The following CCDC7 variants were observed in gnomAD, a reference collection of about 807,000 sequenced individuals.
CCDC7 encodes coiled-coil domain containing 7.
Under a neutral mutation model 196.9 loss-of-function variants are expected in CCDC7, and 183 were observed. The ratio of observed to expected loss-of-function variants is 0.93; its 90% CI spans 0.82 to 1.05. The LOEUF is 1.05. Among genes scored for constraint, CCDC7 ranks in the 50% least tolerant of loss-of-function variants. The probability of loss-of-function intolerance (pLI) is 0.00; values close to 1 mark genes in which losing one functional copy is unlikely to be tolerated. For missense variants in CCDC7, 1,540 were observed against 1,482.2 expected, an observed-to-expected ratio of 1.04 and a Z score of -0.64; for synonymous variants, 525 against 484.6, an observed-to-expected ratio of 1.08 and a Z score of -1.10.
At chr10:32,574,505 A>AC (rs763625850) in intron 16 of CCDC7, 219 of 1,545,738 alleles carry the variant, frequency 1.4e-4, no homozygotes, top group Non-Finnish European at 1.9e-4. Flanking sequence ...AAGTAAGGAG[A>AC]CCCCACCTGA....
At chr10:32,475,457 C>T (rs945818731) in intron 8 of CCDC7, among the ~76,000 whole-genome samples, 3 of 152,194 alleles carry the variant, frequency 2.0e-5, no homozygotes, top group East Asian at 1.9e-4. Context: ...GCAGAAATCC[C>T]TGTACCCACT....
intron 23 of CCDC7, among the ~76,000 whole-genome samples, chr10:32,692,538 T>C (rs956875752): frequency 6.6e-6 from 1 of 152,136 alleles, no homozygotes; most frequent in East Asian, 1.9e-4. Flanking sequence ...AGCCTCCCCA[T>C]CACCCTTCCA....
intron 13 of CCDC7, among the ~76,000 whole-genome samples, chr10:32,551,471 C>G (rs1055064741): frequency 7.9e-5 from 12 of 151,978 alleles, no homozygotes; most frequent in Admixed American, 7.2e-4. Context: ...TTCTCTAGTT[C>G]CTTGAGGTGT....
downstream of CCDC7, chr10:32,877,057 A>G (rs2094616364): frequency 6.6e-6 from 1 of 152,080 alleles, no homozygotes; most frequent in Non-Finnish European, 1.5e-5. Flanking sequence ...ATTAATCTAA[A>G]TATTCTGGAG....
intron 9 of CCDC7, chr10:32,512,430 T>A (rs894716123): frequency 6.6e-6 from 1 of 152,182 alleles, no homozygotes; most frequent in African/African-American, 2.4e-5. Flanking sequence ...TATGTCAGAA[T>A]TGGAATCATA....
chr10:32,802,078 T>C (rs2135060117), intron 29 of CCDC7, among the ~76,000 whole-genome samples: 1 of 152,280 alleles, frequency 6.6e-6, no homozygotes, highest in African/African-American at 2.4e-5. Flanking sequence ...TGTGTCTGAT[T>C]TTCCACAATT....
At chr10:32,641,434 T>C (rs2066781358) in intron 20 of CCDC7, among the ~76,000 whole-genome samples, 1 of 152,242 alleles carries the variant, frequency 6.6e-6, no homozygotes, top group South Asian at 2.1e-4. Context: ...TTTCTTCTAG[T>C]TGATCGAATC....
chr10:32,710,591 T>C lies in CCDC7; in HGVS notation c.2459-1029T>C, dbSNP rs192121828. On this transcript the variant is annotated intron_variant, in intron 24 of 41. Coordinates refer to ENST00000639629, the Ensembl canonical transcript of CCDC7. ...ACAATCCGCTAGCATTCTCTGAGAGTGCCCCATGGTGTTGGACAGCACTTT... is the reference window on the plus strand; with the variant it reads ...ACAATCCGCTAGCATTCTCTGAGAGCGCCCCATGGTGTTGGACAGCACTTT... Among the ~76,000 whole-genome samples, 132 of 152,184 alleles carry C rather than the reference T, an allele frequency of 8.7e-4. 1 individual carries two copies. Among genetic ancestry groups the C allele is most frequent in the African/African-American group, 2.9e-3 (120 of 41,540 alleles).
chr10:32,749,606 T>TA, intron 28 of CCDC7, among the ~76,000 whole-genome samples: 1 of 152,306 alleles, frequency 6.6e-6, no homozygotes, highest in South Asian at 2.1e-4. Context: ...ATGTGATTGT[T>TA]ACAAAAATTA....
chr10:32,873,611 T>C (rs1361826793), intron 41 of CCDC7, among the ~76,000 whole-genome samples: 1 of 152,002 alleles, frequency 6.6e-6, no homozygotes, highest in East Asian at 1.9e-4. Flanking sequence ...TACCACATTT[T>C]GTTTATCCGC....
At chr10:32,801,287 A>C (rs950666485) in intron 29 of CCDC7, among the ~76,000 whole-genome samples, 1 of 152,178 alleles carries the variant, frequency 6.6e-6, no homozygotes, top group African/African-American at 2.4e-5. Context: ...CTGATCTCCT[A>C]AGACTTTGGA....
chr10:32,629,766 A>C lies in CCDC7; in HGVS notation c.1802-4488A>C, dbSNP rs2064578546. Among the ~76,000 whole-genome samples, 3 of 152,186 alleles carry C rather than the reference A, an allele frequency of 2.0e-5. No homozygotes were observed. In the South Asian group the frequency reaches 6.2e-4, roughly 32 times the overall value. On this transcript the variant is annotated intron_variant, in intron 18 of 41. Transcript: ENST00000639629. ...CAGGAATTTATCTGAGTAGAAATCCAGAGAAGGCACAGAGGGTGCCATCCC... is the reference window on the plus strand; with the variant it reads ...CAGGAATTTATCTGAGTAGAAATCCCGAGAAGGCACAGAGGGTGCCATCCC...
chr10:32,641,496 G>T (rs544137591), intron 20 of CCDC7, among the ~76,000 whole-genome samples: 16 of 152,278 alleles, frequency 1.1e-4, no homozygotes, highest in African/African-American at 3.9e-4. Context: ...TTGGTTTTCA[G>T]CTCCATCAGG....
intron 20 of CCDC7, among the ~76,000 whole-genome samples, chr10:32,635,891 A>G (rs747481040): frequency 4.7e-4 from 71 of 151,966 alleles, no homozygotes; most frequent in Admixed American, 1.1e-3. Flanking sequence ...GATAATTTCT[A>G]TGTTTAAGTA....
intron 21 of CCDC7, among the ~76,000 whole-genome samples, chr10:32,677,588 G>T (rs1393674013): frequency 6.6e-6 from 1 of 151,822 alleles, no homozygotes; most frequent in Non-Finnish European, 1.5e-5. Context: ...AAAGCTTATT[G>T]ATAGTTTTAT....
intron 13 of CCDC7, among the ~76,000 whole-genome samples, chr10:32,555,220 T>A (rs1308128629): frequency 1.3e-5 from 2 of 152,094 alleles, no homozygotes; most frequent in Non-Finnish European, 2.9e-5. Context: ...ACAGTAAGAT[T>A]ACTGGATTAT....
intron 20 of CCDC7, among the ~76,000 whole-genome samples, chr10:32,640,145 A>G (rs2066459443): frequency 6.6e-6 from 1 of 152,116 alleles, no homozygotes. Flanking sequence ...GTGGGGTGTT[A>G]AAGTCTCCCA....
chr10:32,511,793 C>T lies in CCDC7; in HGVS notation c.873-6152C>T, dbSNP rs564177273. ...AGCCTCCCGGAAAGCGGTCGGGCAA[C>T]GATGACGACAATGACGCGCCAGCTC... On this transcript the variant is annotated intron_variant, in intron 9 of 41. Transcript: ENST00000639629. 275 of 1,269,180 alleles carry T rather than the reference C, an allele frequency of 2.2e-4. 2 individuals are homozygous for T. The highest frequency in any genetic ancestry group is 2.7e-4 in the Non-Finnish European group (240 of 879,810). 78.6% of individuals were successfully genotyped at this position (1,269,180 alleles called of 1,614,324 possible).
upstream of CCDC7, among the ~76,000 whole-genome samples, chr10:32,447,165 A>C (rs1298483422): frequency 6.6e-6 from 1 of 152,066 alleles, no homozygotes; most frequent in Non-Finnish European, 1.5e-5. Context: ...TCTCTTTTGA[A>C]CGGTAAGTCA....
Sources: allele counts gnomAD v4.1 joint callset (sites outside exome capture counted in the v4.1 genomes callset), GRCh38; gene constraint gnomAD v4.1.1; transcripts MANE v1.5; gene names NCBI Gene and HGNC (gene_info 2026-07-23, HGNC 2026-07-21).